The following MAF variants were observed in gnomAD, a reference collection of about 807,000 sequenced individuals.
MAF encodes the protein transcription factor Maf.
In MAF, 10 loss-of-function variants were observed where a neutral mutation model predicts 22.0. That is an observed-to-expected ratio of 0.45 (90% CI 0.28 to 0.77). The LOEUF (loss-of-function observed/expected upper bound fraction) is 0.77. Ranked by LOEUF, MAF falls within the 30% of genes least tolerant of loss-of-function variation. The pLI is 0.12. For synonymous variants in MAF, 337 were observed against 255.8 expected, an observed-to-expected ratio of 1.32 and a Z score of -3.03; for missense variants, 544 against 548.4, an observed-to-expected ratio of 0.99 and a Z score of 0.08.
At chr16:79,258,184 G>C in the MAF span, among the ~76,000 whole-genome samples, 1 of 152,158 alleles carries the variant, frequency 6.6e-6, no homozygotes. Context: ...CGCCTCTGGG[G>C]TGTGTGGTTA....
chr16:79,326,941 AG>A, the MAF span, among the ~76,000 whole-genome samples: 1 of 152,188 alleles, frequency 6.6e-6, no homozygotes, highest in South Asian at 2.1e-4. Flanking sequence ...AGATGGGATA[AG>A]CTGGATTTTG....
chr16:79,317,546 TCTTC>T, the MAF span, among the ~76,000 whole-genome samples: 1 of 151,440 alleles, frequency 6.6e-6, no homozygotes, highest in Non-Finnish European at 1.5e-5. Flanking sequence ...TTCCTTGCTT[TCTTC>T]CTTCCTTCTT....
chr16:79,600,085 G>GCCCGCGCCC lies in MAF; in HGVS notation c.-192_-184dup, dbSNP rs1047718846. 2 of 701,066 alleles carry GCCCGCGCCC rather than the reference G, an allele frequency of 2.9e-6. No homozygotes were observed. The highest frequency in any genetic ancestry group is 4.2e-5 in the South Asian group (2 of 47,176). The allele number at this position is 701,066 out of a possible 1,614,324, so 43.4% of individuals were successfully genotyped here. A position where few individuals can be genotyped will look rare whatever the true frequency, so the allele number is the denominator to read the frequency against. On this transcript the variant is annotated 5_prime_UTR_variant, in exon 1 of 2. Coordinates refer to ENST00000326043, the MANE Select transcript of MAF (RefSeq NM_005360.5). ...GCTCACACACACACCCCCCCGCCCT[G>GCCCGCGCCC]CCCGCGCCCCCCGCGCCCGCCCTCC... is the stretch of plus-strand genomic sequence containing the variant.
chr16:79,224,583 G>A, the MAF span, among the ~76,000 whole-genome samples: 1 of 152,320 alleles, frequency 6.6e-6, no homozygotes, highest in East Asian at 1.9e-4. Flanking sequence ...TCTGTTTACA[G>A]ATGACATGAT....
the MAF span, among the ~76,000 whole-genome samples, chr16:79,249,118 G>T: frequency 6.6e-6 from 1 of 152,062 alleles, no homozygotes; most frequent in African/African-American, 2.4e-5. Flanking sequence ...ATGGATTAGT[G>T]CCTTTATAAA....
Position 79,600,004 on chromosome 16 carries a change from C to T in MAF, c.-102G>A. 2 of 1,527,614 alleles carry T rather than the reference C, an allele frequency of 1.3e-6. No homozygotes were observed. Among genetic ancestry groups the T allele is most frequent in the African/African-American group, 1.4e-5 (1 of 73,384 alleles). The allele number at this position is 1,527,614 out of a possible 1,614,324, so 94.6% of individuals were successfully genotyped here. A position where few individuals can be genotyped will look rare whatever the true frequency, so the allele number is the denominator to read the frequency against. On this transcript the variant is annotated 5_prime_UTR_variant, in exon 1 of 2. Coordinates refer to ENST00000326043, the MANE Select transcript of MAF (RefSeq NM_005360.5). The stretch of plus-strand genomic sequence containing the variant: ...GTGGCCAGCGGGTGAGCCAGCTTGC[C>T]GGGCTGGGGCGCTTCTAGCTTGCGC...
chr16:79,498,381 T>A, the MAF span, among the ~76,000 whole-genome samples: 2 of 152,182 alleles, frequency 1.3e-5, no homozygotes, highest in Non-Finnish European at 2.9e-5. Context: ...AAATTTCATA[T>A]AATCTGTATG....
At chr16:79,428,070 C>T in the MAF span, among the ~76,000 whole-genome samples, 4 of 130,798 alleles carry the variant, frequency 3.1e-5, no homozygotes, top group Non-Finnish European at 6.1e-5. Context: ...CTAGCCCAGG[C>T]GACAGAGTGA....
At chr16:79,428,963 C>T in the MAF span, among the ~76,000 whole-genome samples, 9 of 152,218 alleles carry the variant, frequency 5.9e-5, no homozygotes, top group South Asian at 1.7e-3. Context: ...GACAGGGCAA[C>T]GGAGGCTCCA....
At chr16:79,327,296 C>T in the MAF span, among the ~76,000 whole-genome samples, 4,953 of 152,236 alleles carry the variant, frequency 0.033, 284 homozygotes, top group African/African-American at 0.11. Flanking sequence ...ACTTCTTGTA[C>T]ACATTCCCGT....
At chr16:79,331,189 C>T in the MAF span, among the ~76,000 whole-genome samples, 3 of 152,200 alleles carry the variant, frequency 2.0e-5, no homozygotes, top group Non-Finnish European at 1.5e-5. Flanking sequence ...CCTAATCCCA[C>T]ATGGAAGATG....
the MAF span, among the ~76,000 whole-genome samples, chr16:79,351,791 G>A: frequency 6.6e-6 from 1 of 152,096 alleles, no homozygotes; most frequent in Non-Finnish European, 1.5e-5. Flanking sequence ...AGCCTGGAAC[G>A]GCAGCCTGAA....
chr16:79,484,711 A>G, the MAF span, among the ~76,000 whole-genome samples: 1 of 152,188 alleles, frequency 6.6e-6, no homozygotes. Flanking sequence ...GGAGCTGCTC[A>G]CACTGGCCTG....
chr16:79,478,976 C>T, the MAF span, among the ~76,000 whole-genome samples: 7 of 151,800 alleles, frequency 4.6e-5, no homozygotes, highest in Non-Finnish European at 1.0e-4. Flanking sequence ...ACCCGTGCAC[C>T]ACCTCAGCAT....
At chr16:79,586,020 G>A in intron 1 of MAF, 1 of 612,908 alleles carries the variant, frequency 1.6e-6, no homozygotes, top group Non-Finnish European at 2.8e-6. Context: ...TATGCTACAG[G>A]CAGCCTAACT....
the MAF span, among the ~76,000 whole-genome samples, chr16:79,333,947 A>G: frequency 6.6e-6 from 1 of 152,222 alleles, no homozygotes; most frequent in Non-Finnish European, 1.5e-5. Flanking sequence ...GGATCTGGTG[A>G]TATAACCACG....
intron 1 of MAF, among the ~76,000 whole-genome samples, chr16:79,588,068 G>T (rs995496019): frequency 2.6e-5 from 4 of 152,324 alleles, no homozygotes; most frequent in South Asian, 2.1e-4. Flanking sequence ...CGAGCACATA[G>T]CTCTTACACT....
the MAF span, among the ~76,000 whole-genome samples, chr16:79,322,021 C>T: frequency 1.2e-4 from 19 of 152,096 alleles, no homozygotes; most frequent in Non-Finnish European, 2.2e-4. Context: ...CACCTGAGGT[C>T]AGAGGTTTGC....
the MAF span, among the ~76,000 whole-genome samples, chr16:79,543,289 G>C: frequency 1.3e-3 from 201 of 152,316 alleles, no homozygotes; most frequent in African/African-American, 4.4e-3. Context: ...GCTAGAATGG[G>C]ATTTTAAGCC....
Sources: allele counts gnomAD v4.1 joint callset (sites outside exome capture counted in the v4.1 genomes callset), GRCh38; gene constraint gnomAD v4.1.1; transcripts MANE v1.5; gene names NCBI Gene and HGNC (gene_info 2026-07-23, HGNC 2026-07-21).